GFPT2: variants seen among roughly 807,000 people sequenced by gnomAD.
GFPT2 encodes the protein glutamine--fructose-6-phosphate transaminase 2, also known as glutamine--fructose-6-phosphate aminotransferase [isomerizing] 2.
GFPT2 carries 62 observed loss-of-function variants against 85.6 expected under a neutral mutation model. The observed-to-expected ratio is 0.72, with a 90% confidence interval of 0.59 to 0.90. The LOEUF (loss-of-function observed/expected upper bound fraction) is 0.90. Ranked by LOEUF, GFPT2 falls within the 40% of genes least tolerant of loss-of-function variation. The pLI, the probability that GFPT2 is intolerant of heterozygous loss-of-function variation, is 0.00. For synonymous variants in GFPT2, 368 were observed against 344.5 expected (o/e 1.07, Z -0.75); for missense variants, 788 against 893.4 (o/e 0.88, Z 1.50).
chr5:180,348,928 G>T (rs1764660258), intron 1 of GFPT2, among the ~76,000 whole-genome samples: 1 of 151,198 alleles, frequency 6.6e-6, no homozygotes, highest in Non-Finnish European at 1.5e-5. Context: ...TTTTAGTAGA[G>T]ACAGGGTTTT....
chr5:180,336,573 C>G lies in GFPT2; in HGVS notation c.120G>C (p.Val40=). ...CTTCGTGATTATTCCCATCGATCGC[C>G]ACACCTGTGATGTAGACAGCATTTG... ...LEYRGYDSAG[V]AIDGNNHEVK... Residue 40 remains valine, a synonymous_variant, in exon 3 of 19, where the codon GTG becomes GTC. Coordinates refer to ENST00000253778, the MANE Select transcript of GFPT2 (RefSeq NM_005110.4). 6.3e-7 allele frequency: 1 copy of G among 1,599,084 alleles called. No homozygotes were observed. The highest frequency in any genetic ancestry group is 8.6e-7 in the Non-Finnish European group (1 of 1,166,312).
chr5:180,341,374 TAAG>T (rs1291631611), intron 1 of GFPT2, among the ~76,000 whole-genome samples: 1 of 152,180 alleles, frequency 6.6e-6, no homozygotes, highest in African/African-American at 2.4e-5. Context: ...CTCTGGTAAT[TAAG>T]AAGATCAGAT....
chr5:180,301,541 A>G lies in GFPT2; in HGVS notation c.*23T>C. On this transcript the variant is annotated 3_prime_UTR_variant, in exon 19 of 19. Transcript: ENST00000253778. ...GTCTGGAATCAGATGAAAGGTGGTGATGGTCTTGTCACGGTCTCAGCCTCA... is the reference window on the plus strand; with the variant it reads ...GTCTGGAATCAGATGAAAGGTGGTGGTGGTCTTGTCACGGTCTCAGCCTCA... 1.3e-6 allele frequency: 2 copies of G among 1,598,036 alleles called. No individual in the cohort carries two copies.
chr5:180,322,523 A>T (rs952689490), intron 9 of GFPT2, among the ~76,000 whole-genome samples: 1 of 152,134 alleles, frequency 6.6e-6, no homozygotes, highest in Non-Finnish European at 1.5e-5. Context: ...GTGCCTGGTC[A>T]CGTGAGGTGA....
rs1764019625 is a variant in GFPT2, at chr5:180,316,878, A to T, written c.1055-17T>A. ...CCAGGAGCACTGCAGGGCACACGAC[A>T]AGGCGTTAATGCTGAGTCTACACAG... On this transcript the variant is annotated splice_polypyrimidine_tract_variant and intron_variant, in intron 11 of 18. Transcript: ENST00000253778. 1.9e-6 allele frequency: 3 copies of T among 1,601,342 alleles called. No individual in the cohort carries two copies. In the East Asian group the frequency reaches 6.7e-5, roughly 36 times the overall value.
intron 15 of GFPT2, among the ~76,000 whole-genome samples, chr5:180,312,098 GCTGAGGAC>G (rs1227412286): frequency 0.028 from 2,796 of 100,966 alleles, 648 homozygotes; most frequent in African/African-American, 0.046. Context: ...AGGCAGGGAG[GCTGAGGAC>G]CAGGGAGGCA....
intron 16 of GFPT2, among the ~76,000 whole-genome samples, chr5:180,306,404 C>G (rs576655589): frequency 6.6e-6 from 1 of 152,338 alleles, no homozygotes; most frequent in East Asian, 1.9e-4. Flanking sequence ...GCACTGTCCC[C>G]GTCACCTGGG....
Position 180,316,710 on chromosome 5 carries a change from A to T in GFPT2, c.1152+54T>A, listed in dbSNP as rs1487472460. ...CACATGAGTGATAAAACTGAAGGCC[A>T]GTGTCTGGTCCTAGACTGCCGTCGA... On this transcript the variant is annotated intron_variant, in intron 12 of 18. Transcript: ENST00000253778. 3.2e-6 allele frequency: 4 copies of T among 1,255,462 alleles called. No individual in the cohort carries two copies. The Admixed American group carries it at 7.4e-5, about 23-fold the overall frequency. 77.8% of individuals were successfully genotyped at this position (1,255,462 alleles called of 1,614,324 possible).
At chr5:180,304,112 C>T (rs151105627) in intron 17 of GFPT2, among the ~76,000 whole-genome samples, 3 of 152,124 alleles carry the variant, frequency 2.0e-5, no homozygotes, top group Admixed American at 6.5e-5. Flanking sequence ...AGCTCCCGGG[C>T]GACACACAGT....
At chr5:180,341,791 T>C (rs1322172797) in intron 1 of GFPT2, among the ~76,000 whole-genome samples, 1 of 152,164 alleles carries the variant, frequency 6.6e-6, no homozygotes, top group Non-Finnish European at 1.5e-5. Flanking sequence ...GGCCAAAGTG[T>C]CCCCAGTGAG....
At chr5:180,346,620 C>T (rs568363636) in intron 1 of GFPT2, among the ~76,000 whole-genome samples, 8 of 152,362 alleles carry the variant, frequency 5.3e-5, no homozygotes, top group African/African-American at 1.7e-4. Flanking sequence ...CTGCAGCTTC[C>T]GCCCTCTGGG....
chr5:180,347,466 TC>T (rs1248331700), intron 1 of GFPT2, among the ~76,000 whole-genome samples: 1 of 151,630 alleles, frequency 6.6e-6, no homozygotes, highest in East Asian at 1.9e-4. Flanking sequence ...CCGGGAAAGG[TC>T]CCAGAAGGAG....
rs550539264 is a variant in GFPT2 at position 180,322,832 on chromosome 5, G to C, written c.794+1356C>G. On this transcript the variant is annotated intron_variant, in intron 9 of 18. Coordinates refer to ENST00000253778, the MANE Select transcript of GFPT2 (RefSeq NM_005110.4). ...AGGGCGGATCATGAGGTCAGGAGAT[G>C]GAGACAATCCTGGCTAACACAGTGA... Among the ~76,000 whole-genome samples, 29 of 152,038 alleles carry C rather than the reference G, an allele frequency of 1.9e-4. No homozygotes were observed. The East Asian group carries it at 4.3e-3, about 22-fold the overall frequency.
Position 180,316,989 on chromosome 5 carries a change from C to A in GFPT2, c.1028G>T (p.Gly343Val). The A allele has an allele frequency of 6.2e-7, 1 of 1,610,310 alleles. No homozygotes were observed. Among genetic ancestry groups the A allele is most frequent in the Non-Finnish European group, 8.5e-7 (1 of 1,176,510 alleles). Residue 343 changes from glycine (G) to valine (V), a missense_variant, in exon 11 of 19, where the codon GGT (glycine) becomes GTT (valine). By Grantham distance (109) the Gly-to-Val change is moderately radical. Transcript: ENST00000253778. ...TGTGTTGGTTTCAAAATTCACCCGA[C>A]CTCTCATAGTATTGAAAACTGATTC... Reference protein sequence around the residue: ...QPESVFNTMRGRVNFETNTVL... With the variant: ...QPESVFNTMRVRVNFETNTVL...
Position 180,313,853 on chromosome 5 carries a change from C to T in GFPT2, c.1385G>A (p.Gly462Asp). ...GSSISRETDC[G>D]VHINAGPEIG... is the part of the protein sequence containing the mutation. ...CTCCGGCCCTGCGTTGATGTGGACG[C>T]CGCAGTCGGTCTCGCGAGAGATGGA... The change falls in exon 14 of 19, where the codon GGC becomes GAC. Residue 462 changes from glycine to aspartate, a missense_variant. Transcript: ENST00000253778. 1.9e-6 allele frequency: 3 copies of T among 1,598,072 alleles called. No homozygotes were observed. Among genetic ancestry groups the T allele is most frequent in the Non-Finnish European group, 2.6e-6 (3 of 1,175,472 alleles).
At chr5:180,304,018 C>T (rs750913449) in intron 17 of GFPT2, among the ~76,000 whole-genome samples, 1 of 152,100 alleles carries the variant, frequency 6.6e-6, no homozygotes, top group Non-Finnish European at 1.5e-5. Flanking sequence ...TGAGTTTGAT[C>T]ACATGGCCAA....
intron 14 of GFPT2, 119 bp downstream of exon 14, chr5:180,313,688 G>T (rs887173504): frequency 5.8e-6 from 4 of 685,182 alleles, no homozygotes; most frequent in Non-Finnish European, 9.1e-6. Context: ...GAGAAGGGGT[G>T]AGGCGGGAAG....
intron 1 of GFPT2, among the ~76,000 whole-genome samples, chr5:180,343,158 C>T (rs1481077125): frequency 6.6e-6 from 1 of 152,174 alleles, no homozygotes; most frequent in Admixed American, 6.5e-5. Context: ...AGAAATGTAC[C>T]CATTGCCAAC....
At chr5:180,340,661 G>A (rs747604975) in intron 1 of GFPT2, among the ~76,000 whole-genome samples, 6 of 151,640 alleles carry the variant, frequency 4.0e-5, no homozygotes, top group African/African-American at 1.5e-4. Context: ...ACAGGTGCCC[G>A]ACACCATGCC....
Sources: allele counts gnomAD v4.1 joint callset (sites outside exome capture counted in the v4.1 genomes callset), GRCh38; gene constraint gnomAD v4.1.1; transcripts MANE v1.5; gene names NCBI Gene and HGNC (gene_info 2026-07-23, HGNC 2026-07-21).